The following SEH1L variants were observed in gnomAD, a reference collection of about 807,000 sequenced individuals.
SEH1L encodes the protein nucleoporin SEH1.
A neutral mutation model predicts 49.5 loss-of-function variants in SEH1L; 18 were observed. That is an observed-to-expected ratio of 0.36 (90% confidence interval 0.25 to 0.54). The LOEUF (loss-of-function observed/expected upper bound fraction) is 0.54, where lower values mean the gene tolerates loss of function less well. Ranked by LOEUF, SEH1L falls within the 20% of genes least tolerant of loss-of-function variation. The probability of loss-of-function intolerance (pLI) is 0.87; values close to 1 mark genes in which losing one functional copy is unlikely to be tolerated. For synonymous variants in SEH1L, 169 were observed against 178.1 expected (o/e 0.95, Z 0.41); for missense variants, 404 against 528.8 (o/e 0.76, Z 2.31).
chr18:12,950,033 T>C (rs774213071), intron 1 of SEH1L, among the ~76,000 whole-genome samples: 2 of 152,118 alleles, frequency 1.3e-5, no homozygotes, highest in African/African-American at 2.4e-5. Flanking sequence ...TTTTTCTTTT[T>C]TCTTTTTCCT....
chr18:12,957,024 C>T (rs9950241), intron 3 of SEH1L, among the ~76,000 whole-genome samples: 59,291 of 149,682 alleles, frequency 0.4, 11,881 homozygotes, highest in Middle Eastern at 0.51. Context: ...GCCGAGATCA[C>T]GCCACTGCAC....
chr18:12,981,850 ATTTTT>A (rs554886753), intron 6 of SEH1L, among the ~76,000 whole-genome samples: 23 of 88,182 alleles, frequency 2.6e-4, no homozygotes, highest in African/African-American at 1.3e-3. Flanking sequence ...TGCCCTGCCC[ATTTTT>A]TTTTTTTTTT....
At chr18:12,962,367 C>G (rs9949532) in intron 3 of SEH1L, among the ~76,000 whole-genome samples, 29,976 of 149,046 alleles carry the variant, frequency 0.2, 3,324 homozygotes, top group South Asian at 0.38. Flanking sequence ...GAGCAAGACC[C>G]TGTCCCTAAG....
intron 4 of SEH1L, among the ~76,000 whole-genome samples, chr18:12,964,265 C>T (rs771687004): frequency 1.3e-5 from 2 of 151,942 alleles, no homozygotes; most frequent in Non-Finnish European, 1.5e-5. Context: ...GTTCCTTTAC[C>T]CCCTAAAAAC....
chr18:12,961,185 G>GT (rs2031158806), intron 3 of SEH1L, among the ~76,000 whole-genome samples: 2 of 152,148 alleles, frequency 1.3e-5, no homozygotes, highest in Non-Finnish European at 2.9e-5. Flanking sequence ...CACTTGAGGC[G>GT]TTTTTCCCTT....
chr18:12,963,992 C>T (rs570951316), intron 4 of SEH1L, among the ~76,000 whole-genome samples: 6 of 152,324 alleles, frequency 3.9e-5, no homozygotes, highest in Non-Finnish European at 7.3e-5. Context: ...GGATGACAGG[C>T]GTGAGCTGCT....
chr18:12,961,985 A>C (rs2031198056), intron 3 of SEH1L, among the ~76,000 whole-genome samples: 2 of 152,136 alleles, frequency 1.3e-5, no homozygotes, highest in African/African-American at 4.8e-5. Context: ...TTTTTAGTAA[A>C]GTTTCATCTT....
In SEH1L at chr18:12,981,664, A is replaced by G. The variant is rs561962656; in HGVS notation, c.762-854A>G. ...TTAACTGTGCTTTATTTAGGCTGAA[A>G]CTAACAATTCTCCAAATATAACTGA... On this transcript the variant is annotated intron_variant, in intron 6 of 8. Coordinates refer to ENST00000399892, the MANE Select transcript of SEH1L (RefSeq NM_001013437.2). Among the ~76,000 whole-genome samples the G allele has an allele frequency of 2.0e-5, 3 of 152,334 alleles. No individual in the cohort carries two copies. The South Asian group carries it at 6.2e-4, about 32-fold the overall frequency.
Position 12,948,363 on chromosome 18 carries a change from G to T in SEH1L, c.111+131G>T, listed in dbSNP as rs908667606. ...AGCTGTGGGGTGGCGGGCGAGCCCT[G>T]GCTGGACTGAGCGGAAGCCCTCCCC... On this transcript the variant is annotated intron_variant, in intron 1 of 8. Coordinates refer to ENST00000399892, the MANE Select transcript of SEH1L (RefSeq NM_001013437.2). 16 of 683,178 alleles carry T rather than the reference G, an allele frequency of 2.3e-5. No homozygotes were observed. In the African/African-American group the frequency reaches 3.0e-4, roughly 13 times the overall value. The allele number at this position is 683,178 out of a possible 1,614,324, so 42.3% of individuals were successfully genotyped here. A position where few individuals can be genotyped will look rare whatever the true frequency, so the allele number is the denominator to read the frequency against.
chr18:12,960,767 A>G (rs1346894161), intron 3 of SEH1L, among the ~76,000 whole-genome samples: 1 of 152,152 alleles, frequency 6.6e-6, no homozygotes, highest in African/African-American at 2.4e-5. Context: ...CAAGATACTT[A>G]TTTGTATTTA....
rs111817647 is a variant in SEH1L, at chr18:12,957,049, C to T, written c.309+1440C>T. 3.5e-3 allele frequency among the ~76,000 whole-genome samples: 515 copies of T among 147,588 alleles called. 7 individuals are homozygous for T. The East Asian group carries it at 0.039, about 11-fold the overall frequency. ...CGCCACTGCACTCCAGCCTGGGCGA[C>T]GGAGCGAGACTTGTCTCAAAAAAAA... On this transcript the variant is annotated intron_variant, in intron 3 of 8. Transcript: ENST00000399892.
Position 12,963,151 on chromosome 18 carries a change from T to A in SEH1L, c.310-9T>A. On this transcript the variant is annotated splice_polypyrimidine_tract_variant and intron_variant, in intron 3 of 8. Transcript: ENST00000399892. ...TATATAATTTAAATTGTTATTATTT[T>A]TTTTTTAGGTTAAAAGGACAACTCT... The A allele has an allele frequency of 6.3e-7, 1 of 1,586,852 alleles. No individual in the cohort carries two copies. The highest frequency in any genetic ancestry group is 8.6e-7 in the Non-Finnish European group (1 of 1,163,076).
chr18:12,979,556 C>CAT (rs2032075714), intron 6 of SEH1L, among the ~76,000 whole-genome samples: 2 of 152,216 alleles, frequency 1.3e-5, no homozygotes, highest in African/African-American at 4.8e-5. Context: ...CCATTGTCAT[C>CAT]ATGGCCTGTT....
intron 6 of SEH1L, among the ~76,000 whole-genome samples, chr18:12,981,753 C>T (rs754511627): frequency 1.7e-4 from 26 of 151,100 alleles, no homozygotes; most frequent in Non-Finnish European, 3.4e-4. Flanking sequence ...AGTATTGAGA[C>T]AGTCTTGTGA....
intron 4 of SEH1L, among the ~76,000 whole-genome samples, chr18:12,969,917 A>G (rs559324262): frequency 6.6e-6 from 1 of 152,206 alleles, no homozygotes; most frequent in East Asian, 1.9e-4. Flanking sequence ...ACGCAAAAGG[A>G]AGTTTGTGAG....
intron 8 of SEH1L, chr18:12,985,313 A>G: frequency 6.3e-7 from 1 of 1,584,178 alleles, no homozygotes; most frequent in South Asian, 1.1e-5. Context: ...ACAGGAATGG[A>G]AAGCGAGCTC....
chr18:12,963,483 A>G, intron 4 of SEH1L, 112 bp downstream of exon 4: 1 of 807,258 alleles, frequency 1.2e-6, no homozygotes, highest in Non-Finnish European at 2.0e-6. Flanking sequence ...CAAGATATAT[A>G]GAGTATATGT....
chr18:12,951,184 A>G lies in SEH1L; in HGVS notation c.112-671A>G, dbSNP rs560277285. 2.4e-4 allele frequency among the ~76,000 whole-genome samples: 36 copies of G among 152,344 alleles called. No homozygotes were observed. The South Asian group carries it at 6.8e-3, about 29-fold the overall frequency. On this transcript the variant is annotated intron_variant, in intron 1 of 8. Coordinates refer to ENST00000399892, the MANE Select transcript of SEH1L (RefSeq NM_001013437.2). ...AGACGTTTCCCATTGAGGTGAAACC[A>G]GGCGATACTCTATTTTGGCTCATAC... is the stretch of plus-strand genomic sequence containing the variant.
In SEH1L at chr18:12,981,850, A is replaced by ATTTTTTTTTTTTTTT. The variant is rs554886753; in HGVS notation, c.762-655_762-641dup. ...TTCTTTCCTACTTGCTGCCCTGCCC[A>ATTTTTTTTTTTTTTT]TTTTTTTTTTTTTTTTTTTTTTTTT... On this transcript the variant is annotated intron_variant, in intron 6 of 8. Coordinates refer to ENST00000399892, the MANE Select transcript of SEH1L (RefSeq NM_001013437.2). Among the ~76,000 whole-genome samples the ATTTTTTTTTTTTTTT allele has an allele frequency of 1.8e-4, 16 of 88,192 alleles. 3 individuals are homozygous for ATTTTTTTTTTTTTTT. The highest frequency in any genetic ancestry group is 9.1e-4 in the African/African-American group (16 of 17,578). The allele number at this position is 88,192 out of a possible 152,430, so 57.9% of individuals were successfully genotyped here.
Sources: allele counts gnomAD v4.1 joint callset (sites outside exome capture counted in the v4.1 genomes callset), GRCh38; gene constraint gnomAD v4.1.1; transcripts MANE v1.5; gene names NCBI Gene and HGNC (gene_info 2026-07-23, HGNC 2026-07-21).